Variants in PADI4 observed in about 807,000 individuals in gnomAD.
PADI4 encodes the protein protein-arginine deiminase type-4.
In PADI4, 62 loss-of-function variants were observed where a neutral mutation model predicts 75.0. The observed-to-expected ratio is 0.83, with a 90% CI of 0.67 to 1.02. The LOEUF (loss-of-function observed/expected upper bound fraction) is 1.02. PADI4 is among the 50% of genes least tolerant of loss of function. The pLI is 0.00. For synonymous variants in PADI4, 361 were observed against 348.1 expected (o/e 1.04, Z -0.41); for missense variants, 845 against 850.5 (o/e 0.99, Z 0.08).
At chr1:17,336,382 T>C (rs1000704820) in intron 4 of PADI4, among the ~76,000 whole-genome samples, 156 bp downstream of exon 4, 1 of 152,258 alleles carries the variant, frequency 6.6e-6, no homozygotes, top group African/African-American at 2.4e-5. Flanking sequence ...TTTTGGCTTA[T>C]GTATTTCCCA....
Position 17,363,742 on chromosome 1 carries a change from A to T in PADI4, c.1979A>T (p.Asn660Ile). Residue 660 changes from asparagine to isoleucine, a missense_variant, in exon 16 of 16, where the codon AAC (asparagine) becomes ATC (isoleucine). Asn to Ile is a moderately radical substitution (Grantham distance 149). Coordinates refer to ENST00000375448, the MANE Select transcript of PADI4 (RefSeq NM_012387.3). ...AAGCCCTTCTCCTTCAAGTGGTGGA[A>T]CATGGTGCCCTGAGCCCATCTTCCC... ...RRKPFSFKWW[N>I]MVP is the part of the protein sequence containing the mutation. 1 of 1,612,674 alleles carries T rather than the reference A, an allele frequency of 6.2e-7. No homozygotes were observed. The highest frequency in any genetic ancestry group is 8.5e-7 in the Non-Finnish European group (1 of 1,178,660).
In PADI4 at chr1:17,346,796, C is replaced by A. The variant is rs1213518671; in HGVS notation, c.1047+657C>A. Reference sequence around the variant, plus strand: ...GTGCTGTCTCTTGGACCCATCTCCCCATTCCCATCCCCCATCTCCAATCCA... The same window carrying A: ...GTGCTGTCTCTTGGACCCATCTCCCAATTCCCATCCCCCATCTCCAATCCA... On this transcript the variant is annotated intron_variant, in intron 9 of 15. Coordinates refer to ENST00000375448, the MANE Select transcript of PADI4 (RefSeq NM_012387.3). The surrounding 1 kb of genome is among the most constrained non-coding windows in gnomAD (Gnocchi z 4.3). 6.6e-6 allele frequency among the ~76,000 whole-genome samples: 1 copy of A among 152,112 alleles called. No individual in the cohort carries two copies. The highest frequency in any genetic ancestry group is 1.9e-4 in the East Asian group (1 of 5,178).
intron 7 of PADI4, 56 bp downstream of exon 7, chr1:17,342,177 G>A (rs1377317356): frequency 6.4e-7 from 1 of 1,561,436 alleles, no homozygotes; most frequent in African/African-American, 1.4e-5. Flanking sequence ...CAGTGGCCTG[G>A]CTAGGGAAAG....
Position 17,348,057 on chromosome 1 carries a change from A to G in PADI4, c.1155+9A>G, listed in dbSNP as rs954435297. On this transcript the variant is annotated intron_variant, in intron 10 of 15. Coordinates refer to ENST00000375448, the MANE Select transcript of PADI4 (RefSeq NM_012387.3). The stretch of plus-strand genomic sequence containing the variant: ...CCATCAAACGCGTGATGGTACCTGC[A>G]TGGGGTGGGGAGGGGGCACAGCTGC... The G allele has an allele frequency of 9.7e-6, 15 of 1,546,470 alleles. No individual in the cohort carries two copies. The highest frequency in any genetic ancestry group is 1.3e-5 in the Non-Finnish European group (15 of 1,119,076).
intron 14 of PADI4, 31 bp downstream of exon 14, chr1:17,358,939 A>G (rs777733554): frequency 6.8e-7 from 1 of 1,478,094 alleles, no homozygotes; most frequent in South Asian, 1.2e-5. Context: ...ACCCCAGCAG[A>G]CCTGACGCCC....
intron 1 of PADI4, 47 bp from the exon 2 acceptor site, chr1:17,330,921 AG>A (rs755846132): frequency 8.4e-6 from 11 of 1,310,006 alleles, no homozygotes; most frequent in Non-Finnish European, 9.3e-6. Flanking sequence ...TGGCTGGCCC[AG>A]CCCCTCCTCA....
chr1:17,324,941 G>A (rs1211997015), intron 1 of PADI4, among the ~76,000 whole-genome samples: 1 of 152,198 alleles, frequency 6.6e-6, no homozygotes, highest in African/African-American at 2.4e-5. Context: ...AGATCAAGTT[G>A]TATGTCCTTT....
chr1:17,363,468 T>C, intron 15 of PADI4, 54 bp from the exon 16 acceptor site: 2 of 1,283,890 alleles, frequency 1.6e-6, no homozygotes, highest in Non-Finnish European at 2.2e-6. Context: ...CCGCTCAGAT[T>C]GCGCTGCAGG....
At chr1:17,308,930 A>C (rs997347465) in intron 1 of PADI4, among the ~76,000 whole-genome samples, 1 of 152,006 alleles carries the variant, frequency 6.6e-6, no homozygotes, top group Non-Finnish European at 1.5e-5. Context: ...AAATGTGCAG[A>C]TGTTGGCTGA....
chr1:17,352,812 A>G (rs2074689119), intron 10 of PADI4, among the ~76,000 whole-genome samples: 1 of 152,176 alleles, frequency 6.6e-6, no homozygotes, highest in South Asian at 2.1e-4. Context: ...GTGAGCGTGG[A>G]TACACATGTG....
rs182765306 is a variant in PADI4, at chr1:17,326,114, C to G, written c.93-4855C>G. Among the ~76,000 whole-genome samples, 513 of 152,022 alleles carry G rather than the reference C, an allele frequency of 3.4e-3. 2 individuals are homozygous for G. Among genetic ancestry groups the G allele is most frequent in the African/African-American group, 0.012 (488 of 41,478 alleles). On this transcript the variant is annotated intron_variant, in intron 1 of 15. Coordinates refer to ENST00000375448, the MANE Select transcript of PADI4 (RefSeq NM_012387.3). ...CAACTATCTACAGAAAAAAAAAAAT[C>G]TGCTTTATCTTCAGTAATATTTCTT...
At chr1:17,363,298 C>G (rs1018788991) in intron 15 of PADI4, among the ~76,000 whole-genome samples, 6 of 151,846 alleles carry the variant, frequency 4.0e-5, no homozygotes, top group African/African-American at 1.5e-4. Flanking sequence ...TTTAAAAATA[C>G]TTTTTTTAGA....
intron 2 of PADI4, among the ~76,000 whole-genome samples, chr1:17,332,541 C>T (rs1388402119): frequency 6.6e-6 from 1 of 152,186 alleles, no homozygotes; most frequent in Non-Finnish European, 1.5e-5. Context: ...TGAGCCACCG[C>T]ATCTGGTCTC....
intron 1 of PADI4, among the ~76,000 whole-genome samples, chr1:17,316,290 A>G (rs1431773552): frequency 6.6e-6 from 1 of 151,842 alleles, no homozygotes; most frequent in Non-Finnish European, 1.5e-5. Context: ...GCTACTAAGG[A>G]GGCTGAGGCG....
chr1:17,351,981 G>A (rs2074643878), intron 10 of PADI4, among the ~76,000 whole-genome samples: 1 of 44,168 alleles, frequency 2.3e-5, no homozygotes, highest in African/African-American at 1.5e-4. Flanking sequence ...GGAGGTGATG[G>A]GAGGAGAGGC....
In PADI4 at chr1:17,346,209, C is replaced by T. The variant is rs552040063; in HGVS notation, c.1047+70C>T. 7 of 989,080 alleles carry T rather than the reference C, an allele frequency of 7.1e-6. No homozygotes were observed. In the East Asian group the frequency reaches 1.5e-4, roughly 21 times the overall value. The allele number at this position is 989,080 out of a possible 1,614,324, so 61.3% of individuals were successfully genotyped here. On this transcript the variant is annotated intron_variant, in intron 9 of 15. Transcript: ENST00000375448. The surrounding 1 kb of genome is among the most constrained non-coding windows in gnomAD (Gnocchi z 4.3). ...AAGAGACACTTGGGGGACCCGGGCTCCTGGGGTTCAGCCTGGTGCCTCACC... is the reference window on the plus strand; with the variant it reads ...AAGAGACACTTGGGGGACCCGGGCTTCTGGGGTTCAGCCTGGTGCCTCACC...
At position 17,351,984 on chromosome 1, in the gene PADI4, G is replaced by GGGGGGAA. The variant is rs377400419; in HGVS notation, c.1156-2548_1156-2547insGGGGAAG. On this transcript the variant is annotated intron_variant, in intron 10 of 15. Coordinates refer to ENST00000375448, the MANE Select transcript of PADI4 (RefSeq NM_012387.3). ...AGAGGCGGCCAGGGAGGTGATGGGA[G>GGGGGGAA]GAGAGGCAGTCAGGGAGGTGATGGG... Among the ~76,000 whole-genome samples the GGGGGGAA allele has an allele frequency of 5.9e-5, 4 of 67,906 alleles. 1 individual carries two copies. The highest frequency in any genetic ancestry group is 5.6e-5 in the Non-Finnish European group (2 of 35,910). 44.5% of individuals were successfully genotyped at this position (67,906 alleles called of 152,430 possible).
intron 1 of PADI4, among the ~76,000 whole-genome samples, chr1:17,319,046 C>G (rs1464310756): frequency 6.6e-6 from 1 of 151,616 alleles, no homozygotes; most frequent in Non-Finnish European, 1.5e-5. Flanking sequence ...TGGTAGAAAG[C>G]AGTCCTCCCA....
intron 6 of PADI4, among the ~76,000 whole-genome samples, chr1:17,340,982 G>A (rs993599629): frequency 6.6e-6 from 1 of 150,908 alleles, no homozygotes; most frequent in Non-Finnish European, 1.5e-5. Flanking sequence ...TGTATTTTTA[G>A]TAGAGATGGG....
Sources: gnomAD v4.1 joint callset for allele counts (sites outside exome capture counted in the v4.1 genomes callset) on GRCh38, gnomAD v4.1.1 for gene constraint, Gnocchi (gnomAD v3.1) non-coding constraint, MANE v1.5 for transcripts, NCBI Gene and HGNC (gene_info 2026-07-23, HGNC 2026-07-21) for gene names.